QSOX2: variants seen among roughly 807,000 people sequenced by gnomAD.
QSOX2 encodes the protein quiescin sulfhydryl oxidase 2, also known as sulfhydryl oxidase 2.
QSOX2 carries 46 observed loss-of-function variants against 61.7 expected under a neutral mutation model. That is an observed-to-expected ratio of 0.75 (90% confidence interval 0.59 to 0.95). The LOEUF is 0.95. Ranked by LOEUF, QSOX2 falls within the 40% of genes least tolerant of loss-of-function variation. QSOX2 has a pLI of 0.00. For synonymous variants in QSOX2, 383 were observed against 388.4 expected, an observed-to-expected ratio of 0.99 and a Z score of 0.16; for missense variants, 879 against 918.9, an observed-to-expected ratio of 0.96 and a Z score of 0.56.
At chr9:136,212,899 G>A (rs2131050027) in intron 10 of QSOX2, among the ~76,000 whole-genome samples, 1 of 152,350 alleles carries the variant, frequency 6.6e-6, no homozygotes, top group South Asian at 2.1e-4. Context: ...CTTGGCAGGA[G>A]GCTACTCCTG....
chr9:136,213,632 A>G (rs1831875311), intron 10 of QSOX2, among the ~76,000 whole-genome samples: 1 of 151,250 alleles, frequency 6.6e-6, no homozygotes, highest in African/African-American at 2.4e-5. Flanking sequence ...ACAGATTTTC[A>G]GAAGGCCACT....
In QSOX2 at chr9:136,224,100, T is replaced by A; in HGVS notation, c.491A>T (p.Glu164Val). The A allele has an allele frequency of 6.2e-7, 1 of 1,613,828 alleles. No homozygotes were observed. The highest frequency in any genetic ancestry group is 8.5e-7 in the Non-Finnish European group (1 of 1,179,906). The change falls in exon 4 of 12, where the codon GAG becomes GTG. Residue 164 changes from glutamate (E) to valine (V), a missense_variant. Coordinates refer to ENST00000358701, the MANE Select transcript of QSOX2 (RefSeq NM_181701.4). The stretch of plus-strand genomic sequence containing the variant: ...CATCGTCTGTCTGACTGTTCGCAGC[T>A]CTCGGTCAGGTCCTGCCGGAAGCAC... ...TGENFKGPDRELRTVRQTMID... is the reference protein window; with the variant it reads ...TGENFKGPDRVLRTVRQTMID...
In QSOX2 at chr9:136,207,055, G is replaced by A. The variant is rs1588630078; in HGVS notation, c.*1673C>T. On this transcript the variant is annotated 3_prime_UTR_variant, in exon 12 of 12. Transcript: ENST00000358701. Reference sequence around the variant, plus strand: ...CTAAAGCACAGAGGGGTTAAAAAGTGTGAAACCAGAAGCAACTCTCGAGTG... The same window carrying A: ...CTAAAGCACAGAGGGGTTAAAAAGTATGAAACCAGAAGCAACTCTCGAGTG... 2 of 152,320 alleles carry A rather than the reference G, an allele frequency of 1.3e-5. No homozygotes were observed. The highest frequency in any genetic ancestry group is 4.8e-5 in the African/African-American group (2 of 41,434). 9.4% of individuals were successfully genotyped at this position (152,320 alleles called of 1,614,324 possible).
chr9:136,225,317 G>T (rs1830269132), intron 2 of QSOX2, among the ~76,000 whole-genome samples: 1 of 152,218 alleles, frequency 6.6e-6, no homozygotes, highest in African/African-American at 2.4e-5. Flanking sequence ...TCTCTGAGTG[G>T]ATGATTAGGT....
chr9:136,216,777 C>A, intron 8 of QSOX2, 55 bp from the exon 9 acceptor site: 2 of 1,601,896 alleles, frequency 1.2e-6, no homozygotes, highest in South Asian at 1.1e-5. Context: ...GGCCCGCCCC[C>A]ACCGCGGGGG....
chr9:136,245,768 C>T lies in QSOX2; in HGVS notation c.36G>A (p.Pro12=), dbSNP rs1830470011. 1.7e-6 allele frequency: 2 copies of T among 1,156,910 alleles called. No homozygotes were observed. Among genetic ancestry groups the T allele is most frequent in the East Asian group, 3.9e-5 (1 of 25,828 alleles). The allele number at this position is 1,156,910 out of a possible 1,614,324, so 71.7% of individuals were successfully genotyped here. Residue 12 remains proline (P), a synonymous_variant, in exon 1 of 12, where the codon CCG becomes CCA. Transcript: ENST00000358701. ...AAAGAAVARS[P]GIGAGPALRA... Reference sequence around the variant, plus strand: ...TCAGCGCAGGTCCCGCTCCGATTCCCGGGCTGCGCGCCACCGCCGCCCCGG... The same window carrying T: ...TCAGCGCAGGTCCCGCTCCGATTCCTGGGCTGCGCGCCACCGCCGCCCCGG...
At chr9:136,217,518 A>G (rs1251135792) in intron 8 of QSOX2, among the ~76,000 whole-genome samples, 1 of 152,272 alleles carries the variant, frequency 6.6e-6, no homozygotes, top group Non-Finnish European at 1.5e-5. Context: ...CAGGTTAAAA[A>G]GTACCATGAT....
intron 1 of QSOX2, among the ~76,000 whole-genome samples, chr9:136,241,106 T>C (rs543216385): frequency 6.6e-6 from 1 of 152,066 alleles, no homozygotes; most frequent in Non-Finnish European, 1.5e-5. Context: ...CCACAGCCAC[T>C]GGGGAGGCCA....
chr9:136,225,379 C>A (rs934538149), intron 2 of QSOX2, among the ~76,000 whole-genome samples: 13 of 152,286 alleles, frequency 8.5e-5, no homozygotes, highest in African/African-American at 2.9e-4. Flanking sequence ...TTAGAGACAG[C>A]GACGAGACAA....
At chr9:136,224,230 G>A in intron 3 of QSOX2, 118 bp from the exon 4 acceptor site, 1 of 737,422 alleles carries the variant, frequency 1.4e-6, no homozygotes, top group Admixed American at 2.4e-5. Flanking sequence ...GGGTGCAGGT[G>A]GCAGCAACAT....
At position 136,224,018 on chromosome 9, in the gene QSOX2, T is replaced by G. The variant is rs1010200947; in HGVS notation, c.573A>C (p.Leu191=). The part of the protein sequence containing the change: ...EGSRPPACPR[L]DPIQPSDVLS... Reference sequence around the variant, plus strand: ...ATGGAGCTACTCACTGAATGGGGTCTAGGCGCGGGCAGGCAGGGGGCCGGC... The same window carrying G: ...ATGGAGCTACTCACTGAATGGGGTCGAGGCGCGGGCAGGCAGGGGGCCGGC... Residue 191 remains leucine (L), a synonymous_variant, in exon 4 of 12, where the codon CTA becomes CTC. Coordinates refer to ENST00000358701, the MANE Select transcript of QSOX2 (RefSeq NM_181701.4). 6.2e-7 allele frequency: 1 copy of G among 1,613,720 alleles called. No homozygotes were observed. Among genetic ancestry groups the G allele is most frequent in the African/African-American group, 1.3e-5 (1 of 74,898 alleles).
chr9:136,216,078 C>T (rs78554234), intron 9 of QSOX2, among the ~76,000 whole-genome samples: 3,802 of 152,338 alleles, frequency 0.025, 59 homozygotes, highest in Non-Finnish European at 0.035. Flanking sequence ...ACGCGGGCGT[C>T]GGACAAGCAG....
At chr9:136,219,282 G>A in intron 6 of QSOX2, 118 bp from the exon 7 acceptor site, 1 of 1,276,116 alleles carries the variant, frequency 7.8e-7, no homozygotes, top group Non-Finnish European at 1.1e-6. Context: ...CATTTATTGG[G>A]GCATGGGAGT....
At chr9:136,225,964 C>T (rs566661726) in intron 2 of QSOX2, among the ~76,000 whole-genome samples, 5 of 152,360 alleles carry the variant, frequency 3.3e-5, no homozygotes, top group Admixed American at 6.5e-5. Context: ...ACACAGGCCC[C>T]GAGAGGCCCT....
rs979083303 is a variant in QSOX2, at chr9:136,207,660, A to C, written c.*1068T>G. ...GACCCTTCCCAAAACAGCTTCAGGC[A>C]AAGGAAGCCTGGCCCCCTCCGTGGG... On this transcript the variant is annotated 3_prime_UTR_variant, in exon 12 of 12. Coordinates refer to ENST00000358701, the MANE Select transcript of QSOX2 (RefSeq NM_181701.4). 2 of 152,380 alleles carry C rather than the reference A, an allele frequency of 1.3e-5. No individual in the cohort carries two copies. Among genetic ancestry groups the C allele is most frequent in the Non-Finnish European group, 2.9e-5 (2 of 68,062 alleles). The allele number at this position is 152,380 out of a possible 1,614,324, so 9.4% of individuals were successfully genotyped here.
At chr9:136,234,304 T>A (rs1385281137) in intron 1 of QSOX2, among the ~76,000 whole-genome samples, 1 of 152,240 alleles carries the variant, frequency 6.6e-6, no homozygotes. Flanking sequence ...AACGGTGGGC[T>A]ATGAGCTCAG....
At position 136,245,668 on chromosome 9, in the gene QSOX2, C is replaced by T. The variant is rs1279918414; in HGVS notation, c.136G>A (p.Gly46Arg). 2.5e-6 allele frequency: 3 copies of T among 1,215,784 alleles called. No homozygotes were observed. The highest frequency in any genetic ancestry group is 2.0e-6 in the Non-Finnish European group (2 of 980,372). The allele number at this position is 1,215,784 out of a possible 1,614,324, so 75.3% of individuals were successfully genotyped here. A position where few individuals can be genotyped will look rare whatever the true frequency, so the allele number is the denominator to read the frequency against. The change falls in exon 1 of 12, where the codon GGG becomes AGG. Residue 46 changes from glycine to arginine, a missense_variant. Transcript: ENST00000358701. ...LLVLLAAAAVGPGAGGAARLY... is the reference protein window; with the variant it reads ...LLVLLAAAAVRPGAGGAARLY... ...CGCGCCGCACCGCCCGCGCCCGGCC[C>T]CACCGCCGCCGCCGCTAGCAGCACT...
rs370519820 is a variant in QSOX2, at chr9:136,223,847, A to G, written c.591T>C (p.Ser197=). 6 of 1,613,944 alleles carry G rather than the reference A, an allele frequency of 3.7e-6. No individual in the cohort carries two copies. Among genetic ancestry groups the G allele is most frequent in the Non-Finnish European group, 5.1e-6 (6 of 1,179,966 alleles). ...ACPRLDPIQP[S]DVLSLLDNRG... The stretch of plus-strand genomic sequence containing the variant: ...GGTTGTCAAGAAGGGAAAGAACATC[A>G]CTGGGCCTTTCAAGAGGAAAAAAAG... The change falls in exon 5 of 12, where the codon AGT becomes AGC. Residue 197 remains serine (S), a synonymous_variant. Coordinates refer to ENST00000358701, the MANE Select transcript of QSOX2 (RefSeq NM_181701.4). This position sits in a 1 kb window ranked among gnomAD's most constrained non-coding sequence, Gnocchi z 4.4.
rs541331350 is a variant in QSOX2 at position 136,210,484 on chromosome 9, G to C, written c.1549+780C>G. ...GAGCCGAGGGCTCGGGGAAAGCACA[G>C]GGAGCTCTGTGGGCGGCGGCGATGC... On this transcript the variant is annotated intron_variant, in intron 11 of 11. Coordinates refer to ENST00000358701, the MANE Select transcript of QSOX2 (RefSeq NM_181701.4). 405 of 985,478 alleles carry C rather than the reference G, an allele frequency of 4.1e-4. 1 individual carries two copies. The African/African-American group carries it at 6.8e-3, about 16-fold the overall frequency. 61.0% of individuals were successfully genotyped at this position (985,478 alleles called of 1,614,324 possible).
Sources: allele counts gnomAD v4.1 joint callset (sites outside exome capture counted in the v4.1 genomes callset), GRCh38; gene constraint gnomAD v4.1.1; non-coding constraint Gnocchi (gnomAD v3.1); transcripts MANE v1.5; gene names NCBI Gene and HGNC (gene_info 2026-07-23, HGNC 2026-07-21).